The following CCR9 variants were observed in gnomAD, a reference collection of about 807,000 sequenced individuals.
CCR9 encodes C-C chemokine receptor type 9.
A neutral mutation model predicts 8.7 loss-of-function variants in CCR9; 4 were observed. The observed-to-expected ratio is 0.46, with a 90% CI of 0.23 to 1.06. CCR9 has a LOEUF of 1.06. Ranked by LOEUF, CCR9 falls within the 50% of genes least tolerant of loss-of-function variation. The probability of loss-of-function intolerance (pLI) is 0.21; values close to 1 mark genes in which losing one functional copy is unlikely to be tolerated. For missense variants in CCR9, 394 were observed against 453.6 expected (o/e 0.87, Z 1.19); for synonymous variants, 159 against 168.8 (o/e 0.94, Z 0.45).
At chr3:45,893,369 G>T (rs777461932) in intron 1 of CCR9, among the ~76,000 whole-genome samples, 2 of 152,044 alleles carry the variant, frequency 1.3e-5, no homozygotes, top group Non-Finnish European at 2.9e-5. Flanking sequence ...TGGCCAGACT[G>T]GTCTCGAACT....
rs746631019 is a variant in CCR9, at chr3:45,901,058, G to A, written c.270G>A (p.Leu90=). ...KTMTDMFLLN[L]AIADLLFLVT... is the part of the protein sequence containing the mutation. ...TGACCGACATGTTCCTTTTGAATTTGGCAATTGCTGACCTCCTCTTTCTTG... is the reference window on the plus strand; with the variant it reads ...TGACCGACATGTTCCTTTTGAATTTAGCAATTGCTGACCTCCTCTTTCTTG... The change falls in exon 3 of 3, where the codon TTG becomes TTA. Residue 90 remains leucine (L), a synonymous_variant. Coordinates refer to ENST00000357632, the MANE Select transcript of CCR9 (RefSeq NM_031200.3). This position sits in a 1 kb window ranked among gnomAD's most constrained non-coding sequence, Gnocchi z 4.3. The A allele has an allele frequency of 1.8e-5, 29 of 1,614,106 alleles. No individual in the cohort carries two copies. Among genetic ancestry groups the A allele is most frequent in the Non-Finnish European group, 2.5e-5 (29 of 1,180,012 alleles).
Position 45,902,033 on chromosome 3 carries a change from T to A in CCR9, c.*135T>A. On this transcript the variant is annotated 3_prime_UTR_variant, in exon 3 of 3. Coordinates refer to ENST00000357632, the MANE Select transcript of CCR9 (RefSeq NM_031200.3). Reference sequence around the variant, plus strand: ...GGATGAATCTGAACTATATGATTACTTGTAGTCAGAATTTGCCAAAGCAAA... The same window carrying A: ...GGATGAATCTGAACTATATGATTACATGTAGTCAGAATTTGCCAAAGCAAA... 1 of 765,880 alleles carries A rather than the reference T, an allele frequency of 1.3e-6. No homozygotes were observed. Among genetic ancestry groups the A allele is most frequent in the Non-Finnish European group, 2.1e-6 (1 of 485,746 alleles). 47.4% of individuals were successfully genotyped at this position (765,880 alleles called of 1,614,324 possible).
Position 45,901,844 on chromosome 3 carries a change from C to T in CCR9, c.1056C>T (p.Ser352=). ...QWVSFTRREG[S]LKLSSMLLET... ...TTTCATTTACAAGGAGAGAGGGAAG[C>T]TTGAAGCTGTCGTCTATGTTGCTGG... is the stretch of plus-strand genomic sequence containing the variant. Residue 352 remains serine (S), a synonymous_variant, in exon 3 of 3, where the codon AGC becomes AGT. Transcript: ENST00000357632. The surrounding 1 kb of genome is among the most constrained non-coding windows in gnomAD (Gnocchi z 4.3). 4 of 1,612,312 alleles carry T rather than the reference C, an allele frequency of 2.5e-6. No individual in the cohort carries two copies. The highest frequency in any genetic ancestry group is 1.1e-5 in the South Asian group (1 of 91,038).
At chr3:45,890,733 C>A (rs137964188) in intron 1 of CCR9, among the ~76,000 whole-genome samples, 9 of 152,228 alleles carry the variant, frequency 5.9e-5, no homozygotes, top group African/African-American at 2.2e-4. Flanking sequence ...GAAGAAAATG[C>A]ATCTTTCATT....
chr3:45,886,686 A>G (rs932649078), intron 1 of CCR9, 31 bp downstream of exon 1: 1 of 152,230 alleles, frequency 6.6e-6, no homozygotes, highest in Non-Finnish European at 1.5e-5. Context: ...TGTTGCCCCC[A>G]ACCCAGTGTC....
chr3:45,901,572 G>T lies in CCR9; in HGVS notation c.784G>T (p.Val262Phe). 4 of 1,614,174 alleles carry T rather than the reference G, an allele frequency of 2.5e-6. No homozygotes were observed. The highest frequency in any genetic ancestry group is 3.4e-6 in the Non-Finnish European group (4 of 1,180,012). The change falls in exon 3 of 3, where the codon GTC (valine) becomes TTC (phenylalanine). Residue 262 changes from valine (V) to phenylalanine (F), a missense_variant. Transcript: ENST00000357632. This position sits in a 1 kb window ranked among gnomAD's most constrained non-coding sequence, Gnocchi z 4.3. ...AAAAGTGACCATCACTGTCCTGACC[G>T]TCTTTGTCTTGTCTCAGTTTCCCTA... ...ALKVTITVLT[V>F]FVLSQFPYNC...
chr3:45,890,337 C>CATATATATATATAA lies in CCR9; in HGVS notation c.-29+3693_-29+3694insTAAATATATATATA, dbSNP rs1237727908. The stretch of plus-strand genomic sequence containing the variant: ...TATATTTATATAAATATATATATAA[C>CATATATATATATAA]ATATATATATAACATATATATATAT... On this transcript the variant is annotated intron_variant, in intron 1 of 2. Transcript: ENST00000357632. Among the ~76,000 whole-genome samples the CATATATATATATAA allele has an allele frequency of 6.2e-4, 39 of 63,150 alleles. 10 individuals carry two copies. Among genetic ancestry groups the CATATATATATATAA allele is most frequent in the African/African-American group, 4.9e-3 (39 of 7,974 alleles). The allele number at this position is 63,150 out of a possible 152,430, so 41.4% of individuals were successfully genotyped here.
At chr3:45,895,782 T>A (rs368860263) in intron 2 of CCR9, among the ~76,000 whole-genome samples, 1 of 152,114 alleles carries the variant, frequency 6.6e-6, no homozygotes, top group African/African-American at 2.4e-5. Context: ...TACAGCCGAA[T>A]GTAATTAAGT....
At chr3:45,899,933 G>T (rs765133536) in intron 2 of CCR9, among the ~76,000 whole-genome samples, 1 of 152,140 alleles carries the variant, frequency 6.6e-6, no homozygotes. Context: ...GTGTGTATGC[G>T]CATATATGTG....
intron 1 of CCR9, among the ~76,000 whole-genome samples, chr3:45,887,823 G>A (rs938685276): frequency 2.6e-5 from 4 of 152,234 alleles, no homozygotes; most frequent in African/African-American, 9.6e-5. Context: ...CATGGTGAGT[G>A]GATGGATCTG....
At chr3:45,898,480 C>G (rs770228396) in intron 2 of CCR9, among the ~76,000 whole-genome samples, 3 of 152,208 alleles carry the variant, frequency 2.0e-5, no homozygotes, top group African/African-American at 4.8e-5. Context: ...GACGAGTTTT[C>G]TTTAGTTCTT....
At chr3:45,888,822 G>C (rs1233057621) in intron 1 of CCR9, among the ~76,000 whole-genome samples, 3 of 140,644 alleles carry the variant, frequency 2.1e-5, no homozygotes, top group Non-Finnish European at 4.4e-5. Context: ...AGATGGCAAG[G>C]CTGTCTGTGG....
chr3:45,896,774 C>A lies in CCR9; in HGVS notation c.21+1820C>A, dbSNP rs371782125. Among the ~76,000 whole-genome samples, 20 of 152,358 alleles carry A rather than the reference C, an allele frequency of 1.3e-4. No homozygotes were observed. The East Asian group carries it at 3.3e-3, about 25-fold the overall frequency. On this transcript the variant is annotated intron_variant, in intron 2 of 2. Coordinates refer to ENST00000357632, the MANE Select transcript of CCR9 (RefSeq NM_031200.3). The stretch of plus-strand genomic sequence containing the variant: ...AAATTCATTTTTTCCCCACCTCCCT[C>A]CTTCTTGTGCCCTCTCTTATTCCAT...
chr3:45,896,000 C>T (rs1439939662), intron 2 of CCR9, among the ~76,000 whole-genome samples: 2 of 152,184 alleles, frequency 1.3e-5, no homozygotes, highest in Admixed American at 1.3e-4. Flanking sequence ...GTGGTTGAAA[C>T]AGTTTATCAA....
chr3:45,896,977 C>T (rs1702375905), intron 2 of CCR9, among the ~76,000 whole-genome samples: 1 of 152,222 alleles, frequency 6.6e-6, no homozygotes, highest in Admixed American at 6.5e-5. Context: ...GCTCTGGGAC[C>T]TTCTTCCTGC....
At chr3:45,886,845 A>T (rs554606562) in intron 1 of CCR9, among the ~76,000 whole-genome samples, 190 bp downstream of exon 1, 1 of 152,282 alleles carries the variant, frequency 6.6e-6, no homozygotes, top group South Asian at 2.1e-4. Context: ...GGTTTCTTGT[A>T]GGGCGAGTAA....
At chr3:45,896,819 C>A (rs1702371626) in intron 2 of CCR9, among the ~76,000 whole-genome samples, 1 of 152,238 alleles carries the variant, frequency 6.6e-6, no homozygotes, top group South Asian at 2.1e-4. Context: ...TGCCTTGTGC[C>A]CATTCTTGGT....
intron 1 of CCR9, among the ~76,000 whole-genome samples, chr3:45,887,565 T>C (rs1559420182): frequency 6.6e-6 from 1 of 152,240 alleles, no homozygotes. Flanking sequence ...CAGAGAGTGG[T>C]CACTGTGTGC....
At chr3:45,895,774 C>T (rs1381398649) in intron 2 of CCR9, among the ~76,000 whole-genome samples, 2 of 150,522 alleles carry the variant, frequency 1.3e-5, no homozygotes, top group African/African-American at 2.4e-5. Context: ...TTTTCTTTTA[C>T]AGCCGAATGT....
Sources: gnomAD v4.1 joint callset for allele counts (sites outside exome capture counted in the v4.1 genomes callset) on GRCh38, gnomAD v4.1.1 for gene constraint, Gnocchi (gnomAD v3.1) non-coding constraint, MANE v1.5 for transcripts, NCBI Gene and HGNC (gene_info 2026-07-23, HGNC 2026-07-21) for gene names.